Variants in SCARA3 observed in about 807,000 individuals in gnomAD.
SCARA3 encodes the protein cellular stress response gene protein.
In SCARA3, 39 loss-of-function variants were observed where a neutral mutation model predicts 47.0. The ratio of observed to expected loss-of-function variants is 0.83; its 90% CI spans 0.64 to 1.08. The LOEUF is 1.08. Ranked by LOEUF, SCARA3 falls within the 50% of genes least tolerant of loss-of-function variation. SCARA3 has a pLI of 0.00. For synonymous variants in SCARA3, 356 were observed against 334.1 expected (o/e 1.07, Z -0.71); for missense variants, 724 against 792.3 (o/e 0.91, Z 1.04).
chr8:27,700,372 C>T, the SCARA3 span, among the ~76,000 whole-genome samples: 5 of 152,026 alleles, frequency 3.3e-5, no homozygotes, highest in South Asian at 2.1e-4. Flanking sequence ...TTTGGGAGGC[C>T]GAGATGGGCA....
chr8:27,711,796 A>G, the SCARA3 span, among the ~76,000 whole-genome samples: 4 of 152,168 alleles, frequency 2.6e-5, no homozygotes, highest in African/African-American at 7.2e-5. Flanking sequence ...AATTTAGAGG[A>G]AAGTACAGAG....
chr8:27,675,449 T>C (rs1563416760), downstream of SCARA3, among the ~76,000 whole-genome samples: 1 of 152,224 alleles, frequency 6.6e-6, no homozygotes, highest in Non-Finnish European at 1.5e-5. Flanking sequence ...TGCCTTCTTC[T>C]GTCTTGCCCT....
the SCARA3 span, among the ~76,000 whole-genome samples, chr8:27,719,747 T>C: frequency 6.6e-6 from 1 of 152,108 alleles, no homozygotes; most frequent in African/African-American, 2.4e-5. Flanking sequence ...TTTTTTGCAA[T>C]TGAAGAAGCA....
chr8:27,694,122 C>G, the SCARA3 span, among the ~76,000 whole-genome samples: 2 of 152,182 alleles, frequency 1.3e-5, no homozygotes, highest in Non-Finnish European at 2.9e-5. Context: ...AATCCTTGCT[C>G]TGTTGCTTAC....
intron 1 of SCARA3, among the ~76,000 whole-genome samples, chr8:27,638,932 C>T (rs1408785164): frequency 6.6e-6 from 1 of 152,164 alleles, no homozygotes; most frequent in Non-Finnish European, 1.5e-5. Flanking sequence ...GCTCCTGGTT[C>T]TTGCTGGCAC....
chr8:27,675,679 A>C (rs956086082), downstream of SCARA3, among the ~76,000 whole-genome samples: 1 of 152,178 alleles, frequency 6.6e-6, no homozygotes, highest in African/African-American at 2.4e-5. Context: ...AATCCCAGCT[A>C]CTTGGGAAGC....
chr8:27,667,088 T>C (rs1268231504), intron 5 of SCARA3, among the ~76,000 whole-genome samples: 1 of 152,190 alleles, frequency 6.6e-6, no homozygotes, highest in African/African-American at 2.4e-5. Context: ...TCTCTAGCCC[T>C]TCTCTCCTCT....
chr8:27,685,076 A>G, the SCARA3 span, among the ~76,000 whole-genome samples: 1 of 152,226 alleles, frequency 6.6e-6, no homozygotes, highest in East Asian at 1.9e-4. Flanking sequence ...TCAGGTAACA[A>G]CAACAAACCC....
At chr8:27,633,727 CAA>C (rs1801184145), upstream of SCARA3, 1 of 149,500 alleles carries the variant, frequency 6.7e-6, no homozygotes, top group Admixed American at 6.6e-5. Context: ...CGCGGCGGCA[CAA>C]AGAGGCCGGC....
chr8:27,701,217 C>T, the SCARA3 span: 13 of 152,200 alleles, frequency 8.5e-5, no homozygotes, highest in South Asian at 4.1e-4. Context: ...TCTAGAAAAA[C>T]TAAAATGAAT....
the SCARA3 span, among the ~76,000 whole-genome samples, chr8:27,722,737 C>T: frequency 7.9e-5 from 12 of 152,194 alleles, no homozygotes; most frequent in Non-Finnish European, 1.6e-4. Context: ...TATCCATCTC[C>T]CCTCACCATA....
At chr8:27,716,913 A>G in the SCARA3 span, among the ~76,000 whole-genome samples, 2 of 152,192 alleles carry the variant, frequency 1.3e-5, no homozygotes, top group African/African-American at 4.8e-5. Context: ...CTCGTAGGGC[A>G]TGGTAAGAAG....
chr8:27,729,915 C>T, the SCARA3 span, among the ~76,000 whole-genome samples: 2 of 152,178 alleles, frequency 1.3e-5, no homozygotes, highest in African/African-American at 4.8e-5. Flanking sequence ...CTTCAGTAGA[C>T]AGTGCATTAA....
At chr8:27,649,611 G>A (rs1047431937) in intron 1 of SCARA3, 91 bp from the exon 2 acceptor site, 27 of 1,198,822 alleles carry the variant, frequency 2.3e-5, no homozygotes, top group Non-Finnish European at 3.2e-5. Flanking sequence ...AGGGGTAGAG[G>A]TGGGCATGGG....
the SCARA3 span, among the ~76,000 whole-genome samples, chr8:27,704,959 A>G: frequency 2.0e-5 from 3 of 152,306 alleles, no homozygotes; most frequent in African/African-American, 7.2e-5. Flanking sequence ...TGTTTGCTTC[A>G]GAAGCTGCAA....
At chr8:27,676,514 G>A (rs1382573925), downstream of SCARA3, 8 of 1,598,630 alleles carry the variant, frequency 5.0e-6, no homozygotes, top group South Asian at 5.6e-5. Context: ...ATCCCCTGAA[G>A]TGAGGAACAA....
the SCARA3 span, among the ~76,000 whole-genome samples, chr8:27,726,815 T>C: frequency 6.6e-6 from 1 of 152,152 alleles, no homozygotes; most frequent in African/African-American, 2.4e-5. Flanking sequence ...AGATGCGGTC[T>C]CACTCTGTCA....
chr8:27,701,525 T>G, the SCARA3 span: 1 of 151,970 alleles, frequency 6.6e-6, no homozygotes, highest in Admixed American at 6.5e-5. Flanking sequence ...GCTTTTTCAT[T>G]CTTTCATTCA....
At chr8:27,728,371 A>G in the SCARA3 span, among the ~76,000 whole-genome samples, 3 of 152,196 alleles carry the variant, frequency 2.0e-5, no homozygotes, top group Admixed American at 2.0e-4. Context: ...GAACCCACAA[A>G]TGGGTGGAAA....
Sources: allele counts gnomAD v4.1 joint callset (sites outside exome capture counted in the v4.1 genomes callset), GRCh38; gene constraint gnomAD v4.1.1; transcripts MANE v1.5; gene names NCBI Gene and HGNC (gene_info 2026-07-23, HGNC 2026-07-21).